The following DDX3X variants were observed in gnomAD, a reference collection of about 807,000 sequenced individuals.
DDX3X encodes the protein ATP-dependent RNA helicase DDX3X.
A neutral mutation model predicts 52.7 loss-of-function variants in DDX3X; 4 were observed. The observed-to-expected ratio is 0.08, with a 90% CI of 0.04 to 0.17. The LOEUF is 0.17. Ranked by LOEUF, DDX3X falls within the 10% of genes least tolerant of loss-of-function variation. The probability of loss-of-function intolerance (pLI) is 1.00; values close to 1 mark genes in which losing one functional copy is unlikely to be tolerated. For synonymous variants in DDX3X, 192 were observed against 178.1 expected (o/e 1.08, Z -0.62); for missense variants, 222 against 548.6 (o/e 0.40, Z 5.95).
In DDX3X at chrX:41,345,505, A is replaced by G; in HGVS notation, c.1272A>G (p.Glu424=). Residue 424 remains glutamate, a synonymous_variant, in exon 12 of 17, where the codon GAA becomes GAG. Transcript: ENST00000644876. ...NITQKVVWVE[E]SDKRSFLLDL... Reference sequence around the variant, plus strand: ...CACAGAAAGTAGTTTGGGTGGAAGAATCAGACAAACGGTCATTTCTGCTTG... The same window carrying G: ...CACAGAAAGTAGTTTGGGTGGAAGAGTCAGACAAACGGTCATTTCTGCTTG... 8.3e-7 allele frequency: 1 copy of G among 1,209,563 alleles called. No homozygotes were observed. Among genetic ancestry groups the G allele is most frequent in the Non-Finnish European group, 1.1e-6 (1 of 894,619 alleles).
At chrX:41,353,139 G>T (rs2063995545), downstream of DDX3X, among the ~76,000 whole-genome samples, 3 of 110,352 alleles carry the variant, frequency 2.7e-5, no homozygotes, top group South Asian at 1.1e-3. Context: ...CTTCTAACTA[G>T]AATTGGAGCT....
At chrX:41,335,237 T>G (rs1931033275) in intron 1 of DDX3X, 1 of 111,186 alleles carries the variant, frequency 9.0e-6, no homozygotes, top group Non-Finnish European at 1.9e-5. Flanking sequence ...CCGCGTTGTT[T>G]TTCTGGGGTG....
At chrX:41,340,880 C>T in intron 3 of DDX3X, 1 of 295,017 alleles carries the variant, frequency 3.4e-6, no homozygotes, top group East Asian at 4.8e-5. Flanking sequence ...TTGTTATGGT[C>T]ACACAACGTC....
At position 41,334,453 on chromosome X, in the gene DDX3X, G is replaced by T. The variant is rs758859470; in HGVS notation, c.45+156G>T. The stretch of plus-strand genomic sequence containing the variant: ...GTGCCCCGGGGCTATAGAGGGATAG[G>T]AATGTTGGTTGGGGCTGTCGCCCGG... On this transcript the variant is annotated intron_variant, in intron 1 of 16. Transcript: ENST00000644876. 3.6e-6 allele frequency: 4 copies of T among 1,110,512 alleles called. No individual in the cohort carries two copies. In the South Asian group the frequency reaches 8.8e-5, roughly 25 times the overall value. The allele number at this position is 1,110,512 out of a possible 1,213,427, so 91.5% of individuals were successfully genotyped here. A position where few individuals can be genotyped will look rare whatever the true frequency, so the allele number is the denominator to read the frequency against.
In DDX3X at chrX:41,348,575, A is replaced by G; in HGVS notation, c.*856A>G. 1 of 112,482 alleles carries G rather than the reference A, an allele frequency of 8.9e-6. No homozygotes were observed. The highest frequency in any genetic ancestry group is 1.9e-5 in the Non-Finnish European group (1 of 53,270). The allele number at this position is 112,482 out of a possible 1,213,427, so 9.3% of individuals were successfully genotyped here. On this transcript the variant is annotated 3_prime_UTR_variant, in exon 17 of 17. Coordinates refer to ENST00000644876, the MANE Select transcript of DDX3X (RefSeq NM_001356.5). ...TGATAACTTGAAATAGGTTTTTAGGAGAATTCATCTACTTAGACTTTTTAA... is the reference window on the plus strand; with the variant it reads ...TGATAACTTGAAATAGGTTTTTAGGGGAATTCATCTACTTAGACTTTTTAA...
At chrX:41,355,040 C>T (rs1288050586), downstream of DDX3X, among the ~76,000 whole-genome samples, 3 of 110,855 alleles carry the variant, frequency 2.7e-5, no homozygotes, top group African/African-American at 9.8e-5. Context: ...AGGCTGGTCT[C>T]GAAGTCCTGA....
intron 7 of DDX3X, 101 bp downstream of exon 7, chrX:41,343,452 C>T (rs898099964): frequency 5.2e-6 from 4 of 768,912 alleles, no homozygotes; most frequent in African/African-American, 2.1e-5. Flanking sequence ...TGCAGCTGCT[C>T]TGCGCTGCTA....
rs780125439 is a variant in DDX3X at position 41,360,960 on chromosome X, C to A, written c.655-3314C>A. Among the ~76,000 whole-genome samples the A allele has an allele frequency of 2.9e-3, 321 of 109,434 alleles. 3 individuals carry two copies. Among genetic ancestry groups the A allele is most frequent in the African/African-American group, 0.01 (302 of 30,110 alleles). On this transcript the variant is annotated intron_variant, in intron 5 of 5. Transcript: ENST00000616050. ...GTAGCACCATCACGGCTCACTGTAGCCTTGACCTCTTGGGCTCAAGCAATC... is the reference window on the plus strand; with the variant it reads ...GTAGCACCATCACGGCTCACTGTAGACTTGACCTCTTGGGCTCAAGCAATC...
intron 1 of DDX3X, chrX:41,334,711 C>G (rs903795668): frequency 8.0e-6 from 8 of 998,624 alleles, no homozygotes; most frequent in Non-Finnish European, 1.0e-5. Context: ...CTGGCGCAGC[C>G]TGGATTCCCG....
chrX:41,334,378 C>T (rs775001014), intron 1 of DDX3X, 81 bp downstream of exon 1: 2 of 1,158,195 alleles, frequency 1.7e-6, no homozygotes, highest in African/African-American at 3.5e-5. Flanking sequence ...GCAGCGCTAA[C>T]CGGCACCCTT....
downstream of DDX3X, among the ~76,000 whole-genome samples, chrX:41,351,939 C>T (rs7051372): frequency 0.015 from 1,635 of 111,057 alleles, 36 homozygotes; most frequent in African/African-American, 0.051. Context: ...CAAAACGGAC[C>T]AATACGATTT....
In DDX3X at chrX:41,347,314, G is replaced by A. The variant is rs1463769342; in HGVS notation, c.1772G>A (p.Ser591Asn). Reference protein sequence around the residue: ...KGSSRGRSKSSRFSGGFGARD... With the variant: ...KGSSRGRSKSNRFSGGFGARD... Reference sequence around the variant, plus strand: ...CCAACATAATTTTTTTCTTATAGTAGCAGATTTAGTGGAGGGTTTGGTGCC... The same window carrying A: ...CCAACATAATTTTTTTCTTATAGTAACAGATTTAGTGGAGGGTTTGGTGCC... The change falls in exon 16 of 17, where the codon AGC becomes AAC. Residue 591 changes from serine (S) to asparagine (N), a missense_variant and splice_region_variant. Ser to Asn is a conservative substitution (Grantham distance 46). Around this residue, in one of 5 missense-constraint regions of DDX3X, gnomAD observed 18 missense variants for 45.3 expected, o/e 0.40. Coordinates refer to ENST00000644876, the MANE Select transcript of DDX3X (RefSeq NM_001356.5). 2 of 1,203,852 alleles carry A rather than the reference G, an allele frequency of 1.7e-6. No individual in the cohort carries two copies. Among genetic ancestry groups the A allele is most frequent in the Non-Finnish European group, 1.1e-6 (1 of 891,111 alleles).
intron 7 of DDX3X, 40 bp from the exon 8 acceptor site, chrX:41,343,697 A>G: frequency 9.0e-7 from 1 of 1,116,007 alleles, no homozygotes; most frequent in Non-Finnish European, 1.2e-6. Flanking sequence ...ATGTCTGTTT[A>G]AAAGTAATGA....
At chrX:41,341,106 C>T (rs970829799) in intron 3 of DDX3X, 1 of 167,402 alleles carries the variant, frequency 6.0e-6, no homozygotes, top group Admixed American at 8.1e-5. Context: ...CTGCCTCAGC[C>T]TCCTGAGTAG....
At chrX:41,351,169 TAAG>T (rs1320336282), downstream of DDX3X, 1 of 111,702 alleles carries the variant, frequency 9.0e-6, no homozygotes, top group African/African-American at 3.3e-5. Flanking sequence ...GAAACGATGC[TAAG>T]GAGAGTTCAG....
At chrX:41,358,065 CTTTTTTTTTTTTT>C (rs59380932) in intron 5 of DDX3X, 6 of 45,979 alleles carry the variant, frequency 1.3e-4, no homozygotes, top group Middle Eastern at 9.4e-3. Context: ...GATAGACACT[CTTTTTTTTTTTTT>C]TTTTTTTTTT....
At chrX:41,358,129 G>A (rs1476705121) in intron 5 of DDX3X, 2 of 233,952 alleles carry the variant, frequency 8.5e-6, no homozygotes, top group East Asian at 5.9e-5. Context: ...CCAGGCTGGA[G>A]TGCAATGGTG....
intron 1 of DDX3X, chrX:41,334,505 C>G (rs1351148871): frequency 9.1e-7 from 1 of 1,095,045 alleles, no homozygotes. Context: ...CTGTATTGTC[C>G]CCGGGACGAG....
In DDX3X at chrX:41,342,481, C is replaced by T. The variant is rs201258212; in HGVS notation, c.285-14C>T. The T allele has an allele frequency of 2.6e-5, 31 of 1,207,417 alleles. No individual in the cohort carries two copies. The East Asian group carries it at 8.3e-4, about 32-fold the overall frequency. Reference sequence around the variant, plus strand: ...TAAATGATATGATTCTGATTAATTGCTTGTGCTGTTCAGGTTTGATGATCG... The same window carrying T: ...TAAATGATATGATTCTGATTAATTGTTTGTGCTGTTCAGGTTTGATGATCG... On this transcript the variant is annotated splice_polypyrimidine_tract_variant and intron_variant, in intron 4 of 16. Transcript: ENST00000644876.
Sources: gnomAD v4.1 joint callset for allele counts (sites outside exome capture counted in the v4.1 genomes callset) on GRCh38, gnomAD v4.1.1 for gene constraint, gnomAD v4.1.1 regional missense constraint, MANE v1.5 for transcripts, NCBI Gene and HGNC (gene_info 2026-07-23, HGNC 2026-07-21) for gene names.